FHIP2A: variants seen among roughly 807,000 people sequenced by gnomAD.
FHIP2A encodes FHF complex subunit HOOK interacting protein 2A, also known as family with sequence similarity 160 member B1.
FHIP2A carries 46 observed loss-of-function variants against 93.5 expected under a neutral mutation model. That is an observed-to-expected ratio of 0.49 (90% CI 0.39 to 0.63). The LOEUF is 0.63. Ranked by LOEUF, FHIP2A falls within the 20% of genes least tolerant of loss-of-function variation. The pLI, the probability that FHIP2A is intolerant of heterozygous loss-of-function variation, is 0.00. For missense variants in FHIP2A, 769 were observed against 909.7 expected, an observed-to-expected ratio of 0.85 and a Z score of 1.99; for synonymous variants, 332 against 326.5, an observed-to-expected ratio of 1.02 and a Z score of -0.18.
chr10:114,827,501 G>A (rs1327043386), intron 1 of FHIP2A, among the ~76,000 whole-genome samples: 1 of 152,112 alleles, frequency 6.6e-6, no homozygotes, highest in Non-Finnish European at 1.5e-5. Context: ...AGCTGGTAAA[G>A]AGTATCAAGG....
intron 1 of FHIP2A, among the ~76,000 whole-genome samples, chr10:114,829,173 C>T (rs904688903): frequency 6.6e-6 from 1 of 152,188 alleles, no homozygotes; most frequent in East Asian, 1.9e-4. Flanking sequence ...GCAGGGCAGC[C>T]CCAAGAGCTA....
At chr10:114,827,624 T>C (rs61867967) in intron 1 of FHIP2A, among the ~76,000 whole-genome samples, 41,079 of 151,808 alleles carry the variant, frequency 0.27, 6,102 homozygotes, top group South Asian at 0.35. Context: ...GGTGAAACCC[T>C]GTCTCTACTA....
At position 114,846,091 on chromosome 10, in the gene FHIP2A, T is replaced by C; in HGVS notation, c.1205+2T>C. ...TATGGAACCTCAATTAATGCAAACG[T>C]GAGTAGCCTGTTTTCTTTTGAAAAA... is the stretch of plus-strand genomic sequence containing the variant. On this transcript the variant is annotated splice_donor_variant, in intron 9 of 16. Transcript: ENST00000369248. LOFTEE classifies it high-confidence loss of function. The C allele has an allele frequency of 6.2e-7, 1 of 1,613,720 alleles. No homozygotes were observed. The highest frequency in any genetic ancestry group is 8.5e-7 in the Non-Finnish European group (1 of 1,179,748).
intron 13 of FHIP2A, among the ~76,000 whole-genome samples, chr10:114,854,553 C>A (rs1035257287): frequency 2.0e-5 from 3 of 151,950 alleles, no homozygotes; most frequent in Non-Finnish European, 4.4e-5. Flanking sequence ...AAAATACAAA[C>A]CCTGATTATT....
chr10:114,834,991 C>T (rs201391727), intron 3 of FHIP2A, among the ~76,000 whole-genome samples: 1 of 152,124 alleles, frequency 6.6e-6, no homozygotes, highest in East Asian at 1.9e-4. Context: ...TGGGTATAAT[C>T]GTGTATACCG....
At chr10:114,846,516 G>C in intron 10 of FHIP2A, 43 bp from the exon 11 acceptor site, 2 of 1,526,782 alleles carry the variant, frequency 1.3e-6, no homozygotes, top group Non-Finnish European at 1.8e-6. Context: ...AGTAACTTAT[G>C]TAAAGACATT....
chr10:114,845,571 T>C (rs534305716), intron 8 of FHIP2A, 90 bp downstream of exon 8: 538 of 760,222 alleles, frequency 7.1e-4, no homozygotes, highest in Non-Finnish European at 7.4e-4. Context: ...CCCAAATACA[T>C]TTTAATTGTC....
chr10:114,855,192 C>T lies in FHIP2A; in HGVS notation c.1804-5C>T, dbSNP rs752953893. 2 of 1,600,844 alleles carry T rather than the reference C, an allele frequency of 1.2e-6. No individual in the cohort carries two copies. The highest frequency in any genetic ancestry group is 4.5e-5 in the East Asian group (2 of 44,790). On this transcript the variant is annotated splice_polypyrimidine_tract_variant and splice_region_variant and intron_variant, in intron 13 of 16. Transcript: ENST00000369248. Reference sequence around the variant, plus strand: ...TTAATGATTCACATGCTTTTTTCCCCCTAGTTCCGAGACTACTGTGCTATC... The same window carrying T: ...TTAATGATTCACATGCTTTTTTCCCTCTAGTTCCGAGACTACTGTGCTATC...
intron 16 of FHIP2A, among the ~76,000 whole-genome samples, chr10:114,876,860 A>G (rs2083892103): frequency 1.3e-5 from 2 of 152,138 alleles, no homozygotes; most frequent in Admixed American, 6.5e-5. Flanking sequence ...AAGGGGCTAA[A>G]CGGAATGTTC....
chr10:114,842,923 T>A lies in FHIP2A; in HGVS notation c.523-10T>A. On this transcript the variant is annotated splice_polypyrimidine_tract_variant and intron_variant, in intron 5 of 16. Coordinates refer to ENST00000369248, the MANE Select transcript of FHIP2A (RefSeq NM_020940.4). ...GATGTGAATTTTATAAAACATATATTCCTTTTCAGAATAAGATGAAATCAT... is the reference window on the plus strand; with the variant it reads ...GATGTGAATTTTATAAAACATATATACCTTTTCAGAATAAGATGAAATCAT... The A allele has an allele frequency of 6.4e-7, 1 of 1,550,572 alleles. No homozygotes were observed. Among genetic ancestry groups the A allele is most frequent in the Non-Finnish European group, 8.8e-7 (1 of 1,131,470 alleles).
downstream of FHIP2A, among the ~76,000 whole-genome samples, chr10:114,867,581 C>T (rs527470669): frequency 1.3e-5 from 2 of 152,310 alleles, no homozygotes; most frequent in African/African-American, 4.8e-5. Context: ...CTTTTGACAG[C>T]GTTCTTTATT....
chr10:114,849,127 C>CAAAAAAA (rs34515682), intron 13 of FHIP2A, among the ~76,000 whole-genome samples: 1 of 50,408 alleles, frequency 2.0e-5, no homozygotes, highest in Non-Finnish European at 3.4e-5. Flanking sequence ...GACTCCATCT[C>CAAAAAAA]AAAAAAAAAA....
intron 16 of FHIP2A, chr10:114,899,434 C>T (rs2084016204): frequency 1.4e-6 from 1 of 718,014 alleles, no homozygotes; most frequent in Admixed American, 2.0e-5. Flanking sequence ...CAGGCTACAT[C>T]CTCAGGGATC....
At position 114,863,899 on chromosome 10, in the gene FHIP2A, T is replaced by A. The variant is rs535195052; in HGVS notation, c.*2359T>A. On this transcript the variant is annotated 3_prime_UTR_variant, in exon 17 of 17. Coordinates refer to ENST00000369248, the MANE Select transcript of FHIP2A (RefSeq NM_020940.4). ...TGTATCAATAAATATGCACATTTTT[T>A]AAAACTTTCTAACAATATAGTCTTT... 9.0e-5 allele frequency: 98 copies of A among 1,087,286 alleles called. No homozygotes were observed. The South Asian group carries it at 2.0e-3, about 22-fold the overall frequency. The allele number at this position is 1,087,286 out of a possible 1,614,324, so 67.4% of individuals were successfully genotyped here. A position where few individuals can be genotyped will look rare whatever the true frequency, so the allele number is the denominator to read the frequency against.
intron 14 of FHIP2A, among the ~76,000 whole-genome samples, chr10:114,858,334 TG>T (rs2083778733): frequency 6.6e-6 from 1 of 152,354 alleles, no homozygotes; most frequent in South Asian, 2.1e-4. Context: ...AAATAATCTG[TG>T]TCAGCCTTAA....
rs2083527256 is a variant in FHIP2A at position 114,821,995 on chromosome 10, C to T, written c.-84C>T. The T allele has an allele frequency of 2.1e-6, 2 of 943,534 alleles. No homozygotes were observed. The highest frequency in any genetic ancestry group is 4.3e-5 in the Admixed American group (1 of 23,498). 58.4% of individuals were successfully genotyped at this position (943,534 alleles called of 1,614,324 possible). A position where few individuals can be genotyped will look rare whatever the true frequency, so the allele number is the denominator to read the frequency against. On this transcript the variant is annotated 5_prime_UTR_variant, in exon 1 of 17. Coordinates refer to ENST00000369248, the MANE Select transcript of FHIP2A (RefSeq NM_020940.4). ...ACCGGCCTTCACTCTGGAGCGGCCC[C>T]GGCAGCCGCAGCAGGGGCGGCGGCG... is the stretch of plus-strand genomic sequence containing the variant.
At chr10:114,842,788 A>G (rs1213341911) in intron 5 of FHIP2A, 145 bp from the exon 6 acceptor site, 2 of 613,212 alleles carry the variant, frequency 3.3e-6, no homozygotes, top group Non-Finnish European at 5.8e-6. Context: ...ACAGTTTGTT[A>G]AAAGTCAGAA....
At position 114,856,675 on chromosome 10, in the gene FHIP2A, G is replaced by C. The variant is rs746932153; in HGVS notation, c.1947+1335G>C. Reference sequence around the variant, plus strand: ...ATCTACCCTGAATCTTCAACCTTGAGCACTTTTTCTCTAGTTTGTGGAGTG... The same window carrying C: ...ATCTACCCTGAATCTTCAACCTTGACCACTTTTTCTCTAGTTTGTGGAGTG... On this transcript the variant is annotated intron_variant, in intron 14 of 16. Transcript: ENST00000369248. Among the ~76,000 whole-genome samples, 82 of 152,300 alleles carry C rather than the reference G, an allele frequency of 5.4e-4. 1 individual carries two copies. Among genetic ancestry groups the C allele is most frequent in the Middle Eastern group, 3.4e-3 (1 of 294 alleles).
chr10:114,835,387 A>G, intron 3 of FHIP2A, 150 bp from the exon 4 acceptor site: 1 of 532,752 alleles, frequency 1.9e-6, no homozygotes, highest in Non-Finnish European at 3.4e-6. Flanking sequence ...TGAAAATTTT[A>G]TTCTGACAGT....
Sources: allele counts gnomAD v4.1 joint callset (sites outside exome capture counted in the v4.1 genomes callset), GRCh38; gene constraint gnomAD v4.1.1; transcripts MANE v1.5; gene names NCBI Gene and HGNC (gene_info 2026-07-23, HGNC 2026-07-21).